The following VEPH1 variants were observed in gnomAD, a reference collection of about 807,000 sequenced individuals.
VEPH1 encodes the protein ventricular zone-expressed PH domain-containing protein homolog 1.
A neutral mutation model predicts 85.2 loss-of-function variants in VEPH1; 80 were observed. The observed-to-expected ratio is 0.94, with a 90% confidence interval of 0.78 to 1.13. VEPH1 has a LOEUF of 1.13. Among genes scored for constraint, VEPH1 ranks in the 50% most tolerant of loss-of-function variants. The pLI, the probability that VEPH1 is intolerant of heterozygous loss-of-function variation, is 0.00. For synonymous variants in VEPH1, 297 were observed against 348.0 expected, an observed-to-expected ratio of 0.85 and a Z score of 1.63; for missense variants, 955 against 980.5, an observed-to-expected ratio of 0.97 and a Z score of 0.35.
chr3:157,458,462 AT>A (rs1400214960), intron 4 of VEPH1, among the ~76,000 whole-genome samples: 2 of 152,070 alleles, frequency 1.3e-5, no homozygotes, highest in African/African-American at 4.8e-5. Context: ...GCACTTTTTA[AT>A]GGGGCTATTT....
At chr3:157,349,736 CT>C (rs1224783506) in intron 9 of VEPH1, among the ~76,000 whole-genome samples, 1 of 151,062 alleles carries the variant, frequency 6.6e-6, no homozygotes, top group African/African-American at 2.4e-5. Context: ...AATGAATTAG[CT>C]GAAAAAGAAA....
At chr3:157,427,219 C>T (rs1343433221) in intron 5 of VEPH1, among the ~76,000 whole-genome samples, 1 of 151,830 alleles carries the variant, frequency 6.6e-6, no homozygotes, top group African/African-American at 2.4e-5. Flanking sequence ...CTCCTGACCT[C>T]GTGATCTGCC....
intron 11 of VEPH1, among the ~76,000 whole-genome samples, chr3:157,302,898 T>A (rs1278307849): frequency 7.1e-6 from 1 of 141,238 alleles, no homozygotes; most frequent in Non-Finnish European, 1.5e-5. Context: ...GGTGTGACCA[T>A]CCACTGTGAT....
intron 11 of VEPH1, among the ~76,000 whole-genome samples, chr3:157,289,123 G>A (rs988451028): frequency 2.0e-5 from 3 of 152,200 alleles, no homozygotes; most frequent in Non-Finnish European, 4.4e-5. Flanking sequence ...ATAAGTATCA[G>A]TTTCAAAACT....
chr3:157,372,198 T>C (rs1483483741), intron 7 of VEPH1, among the ~76,000 whole-genome samples: 1 of 152,162 alleles, frequency 6.6e-6, no homozygotes, highest in African/African-American at 2.4e-5. Context: ...ATGGTTAAAA[T>C]TTTCCTATTT....
intron 3 of VEPH1, among the ~76,000 whole-genome samples, chr3:157,467,020 T>G (rs1054326108): frequency 6.6e-6 from 1 of 152,084 alleles, no homozygotes; most frequent in South Asian, 2.1e-4. Flanking sequence ...AAAAGAAGTA[T>G]AATTACCAAC....
chr3:157,477,538 C>T (rs986314841), intron 2 of VEPH1, among the ~76,000 whole-genome samples: 2 of 151,972 alleles, frequency 1.3e-5, no homozygotes, highest in African/African-American at 4.8e-5. Context: ...CCAATTGCAG[C>T]CTTGATAAGA....
At chr3:157,421,782 C>A (rs1035909487) in intron 5 of VEPH1, among the ~76,000 whole-genome samples, 21 of 152,172 alleles carry the variant, frequency 1.4e-4, no homozygotes, top group African/African-American at 4.3e-4. Context: ...GCTGCTTTAC[C>A]ATGAAGGTAG....
chr3:157,285,122 T>G (rs1202752876), intron 12 of VEPH1: 4 of 152,234 alleles, frequency 2.6e-5, no homozygotes, highest in South Asian at 4.1e-4. Context: ...AAATAAAGCT[T>G]CTTTTATGCT....
At chr3:157,290,925 C>A (rs1717404765) in intron 11 of VEPH1, among the ~76,000 whole-genome samples, 1 of 152,182 alleles carries the variant, frequency 6.6e-6, no homozygotes. Flanking sequence ...CAAATGACAG[C>A]ATGAGTCAAC....
At chr3:157,441,655 C>T (rs542825339) in intron 4 of VEPH1, among the ~76,000 whole-genome samples, 1 of 151,670 alleles carries the variant, frequency 6.6e-6, no homozygotes, top group African/African-American at 2.4e-5. Flanking sequence ...AAAAAAAATA[C>T]AATAGTTAGC....
chr3:157,364,589 C>A (rs1218174773), intron 7 of VEPH1, 77 bp from the exon 8 acceptor site: 3 of 1,370,194 alleles, frequency 2.2e-6, no homozygotes, highest in Non-Finnish European at 3.0e-6. Flanking sequence ...TATTTAACTG[C>A]CTCTCACTCA....
At chr3:157,270,210 T>G (rs1375340860) in intron 12 of VEPH1, among the ~76,000 whole-genome samples, 1 of 151,814 alleles carries the variant, frequency 6.6e-6, no homozygotes, top group African/African-American at 2.4e-5. Context: ...GGTCAAAGTG[T>G]GCAGTGAGCT....
intron 11 of VEPH1, among the ~76,000 whole-genome samples, chr3:157,296,364 CA>C: frequency 1.3e-5 from 2 of 152,270 alleles, no homozygotes; most frequent in South Asian, 4.1e-4. Context: ...TTTAGTGAAG[CA>C]AAGAGACTAG....
intron 12 of VEPH1, among the ~76,000 whole-genome samples, chr3:157,271,405 A>G (rs1309089464): frequency 6.6e-6 from 1 of 152,112 alleles, no homozygotes; most frequent in Non-Finnish European, 1.5e-5. Context: ...GAGTTACTAG[A>G]TTATTTACTC....
At position 157,483,123 on chromosome 3, in the gene VEPH1, T is replaced by TACACACACACACACACAC. The variant is rs60205276; in HGVS notation, c.138+12071_138+12088dup. On this transcript the variant is annotated intron_variant, in intron 2 of 13. Coordinates refer to ENST00000362010, the MANE Select transcript of VEPH1 (RefSeq NM_001167912.2). ...ATCCTTCTTTCCACTTTTAAAAGCATACACACACACACACACACACACACA... is the reference window on the plus strand; with the variant it reads ...ATCCTTCTTTCCACTTTTAAAAGCATACACACACACACACACACACACACACACACACACACACACACA... Among the ~76,000 whole-genome samples, 172 of 147,038 alleles carry TACACACACACACACACAC rather than the reference T, an allele frequency of 1.2e-3. 1 individual carries two copies. The highest frequency in any genetic ancestry group is 2.2e-3 in the Non-Finnish European group (145 of 66,388).
At chr3:157,339,812 C>T (rs1317005099) in intron 9 of VEPH1, among the ~76,000 whole-genome samples, 1 of 152,122 alleles carries the variant, frequency 6.6e-6, no homozygotes, top group Non-Finnish European at 1.5e-5. Flanking sequence ...GTGCCTAAAC[C>T]CCTTCACTGT....
intron 9 of VEPH1, among the ~76,000 whole-genome samples, chr3:157,343,227 A>T (rs1218705469): frequency 6.6e-6 from 1 of 152,210 alleles, no homozygotes; most frequent in South Asian, 2.1e-4. Context: ...CAAAAAATCA[A>T]TGAATCCAGG....
intron 5 of VEPH1, among the ~76,000 whole-genome samples, chr3:157,423,682 A>T (rs892534051): frequency 3.9e-5 from 6 of 152,114 alleles, no homozygotes; most frequent in African/African-American, 1.4e-4. Context: ...AGAATTTATC[A>T]CCTTGTTTAA....
Sources: gnomAD v4.1 joint callset for allele counts (sites outside exome capture counted in the v4.1 genomes callset) on GRCh38, gnomAD v4.1.1 for gene constraint, MANE v1.5 for transcripts, NCBI Gene and HGNC (gene_info 2026-07-23, HGNC 2026-07-21) for gene names.